CHD9: variants seen among roughly 807,000 people sequenced by gnomAD.
CHD9 encodes chromodomain helicase DNA binding protein 9, also known as ATP-dependent chromatin remodeler CHD9.
A neutral mutation model predicts 316.1 loss-of-function variants in CHD9; 77 were observed. That is an observed-to-expected ratio of 0.24 (90% CI 0.20 to 0.29). The LOEUF is 0.29. Among genes scored for constraint, CHD9 ranks in the 10% least tolerant of loss-of-function variants. The pLI, the probability that CHD9 is intolerant of heterozygous loss-of-function variation, is 1.00. For missense variants in CHD9, 2,763 were observed against 3,438.1 expected (o/e 0.80, Z 4.91); for synonymous variants, 1,129 against 1,158.3 (o/e 0.97, Z 0.51).
At chr16:53,070,671 C>T (rs1171200841) in intron 1 of CHD9, among the ~76,000 whole-genome samples, 1 of 152,058 alleles carries the variant, frequency 6.6e-6, no homozygotes, top group Non-Finnish European at 1.5e-5. Context: ...TCTCTTGCCT[C>T]AGCTTCCTGA....
intron 2 of CHD9, among the ~76,000 whole-genome samples, chr16:53,167,757 A>C (rs1224486442): frequency 6.6e-6 from 1 of 151,992 alleles, no homozygotes; most frequent in Non-Finnish European, 1.5e-5. Context: ...TGACAGTGCC[A>C]AGAAAGTGGA....
At position 53,285,628 on chromosome 16, in the gene CHD9, A is replaced by G. The variant is rs2053807770; in HGVS notation, c.5000A>G (p.His1667Arg). Residue 1667 changes from histidine (H) to arginine (R), a missense_variant, in exon 25 of 39, where the codon CAC becomes CGC. Coordinates refer to ENST00000447540, the MANE Select transcript of CHD9 (RefSeq NM_001308319.2). Reference protein sequence around the residue: ...DIDVWVPEPDHSEVPAEWWDF... With the variant: ...DIDVWVPEPDRSEVPAEWWDF... ...GATGTTTGGGTACCAGAACCAGACC[A>G]CTCAGAAGTTCCTGCTGAGTGGTGG... The G allele has an allele frequency of 6.2e-7, 1 of 1,607,622 alleles. No individual in the cohort carries two copies. The highest frequency in any genetic ancestry group is 1.1e-5 in the South Asian group (1 of 90,218).
At chr16:53,207,617 T>G (rs2045986966) in intron 2 of CHD9, among the ~76,000 whole-genome samples, 1 of 151,680 alleles carries the variant, frequency 6.6e-6, no homozygotes, top group African/African-American at 2.4e-5. Flanking sequence ...TGGGTTCATT[T>G]GCATGACCTC....
intron 1 of CHD9, among the ~76,000 whole-genome samples, chr16:53,095,897 C>G (rs2152562095): frequency 6.6e-6 from 1 of 152,186 alleles, no homozygotes. Context: ...GTGTTCTTTC[C>G]AACAATTTGG....
chr16:53,204,559 G>T (rs1385459299), intron 2 of CHD9, among the ~76,000 whole-genome samples: 2 of 151,966 alleles, frequency 1.3e-5, no homozygotes, highest in Non-Finnish European at 2.9e-5. Flanking sequence ...TTTTGTTTTT[G>T]TTTTGTTGTT....
intron 4 of CHD9, among the ~76,000 whole-genome samples, chr16:53,225,306 A>G (rs1338909849): frequency 6.7e-6 from 1 of 149,462 alleles, no homozygotes; most frequent in Non-Finnish European, 1.5e-5. Flanking sequence ...GACTAGAAAA[A>G]AGAAGAGATT....
At chr16:53,252,697 G>GA (rs74199598) in intron 17 of CHD9, among the ~76,000 whole-genome samples, 1,608 of 76,582 alleles carry the variant, frequency 0.021, 11 homozygotes, top group Non-Finnish European at 0.026. Flanking sequence ...ACTCAAATCA[G>GA]AAAAAAAAAA....
Position 53,209,583 on chromosome 16 carries a change from A to G in CHD9, c.1554A>G (p.Glu518=), listed in dbSNP as rs780864718. The change falls in exon 3 of 39, where the codon GAA becomes GAG. Residue 518 remains glutamate (E), a synonymous_variant. Coordinates refer to ENST00000447540, the MANE Select transcript of CHD9 (RefSeq NM_001308319.2). The stretch of plus-strand genomic sequence containing the variant: ...AGAAGAAGCAGAGAAAAAAGGTGGA[A>G]TCAGAAAGCAAGCAAGAAAAGGCTA... ...MSEKKQRKKV[E]SESKQEKANR... is the part of the protein sequence containing the mutation. 1.9e-6 allele frequency: 3 copies of G among 1,613,956 alleles called. No individual in the cohort carries two copies. Among genetic ancestry groups the G allele is most frequent in the South Asian group, 2.2e-5 (2 of 91,084 alleles).
chr16:53,144,655 A>T lies in CHD9; in HGVS notation c.-164-11271A>T, dbSNP rs184985512. 2.7e-4 allele frequency among the ~76,000 whole-genome samples: 41 copies of T among 151,772 alleles called. No individual in the cohort carries two copies. The East Asian group carries it at 8.0e-3, about 29-fold the overall frequency. On this transcript the variant is annotated intron_variant, in intron 1 of 38. Transcript: ENST00000447540. ...GCGATTCTCCCGCCTCAGCCTCCCG[A>T]GTAGCTGGGACTACAGGCGCCCACT...
In CHD9 at chr16:53,156,116, T is replaced by G. The variant is rs188735580; in HGVS notation, c.27T>G (p.Phe9Leu). 6.2e-7 allele frequency: 1 copy of G among 1,613,312 alleles called. No individual in the cohort carries two copies. The highest frequency in any genetic ancestry group is 8.5e-7 in the Non-Finnish European group (1 of 1,179,550). Residue 9 changes from phenylalanine (F) to leucine (L), a missense_variant, in exon 2 of 39, where the codon TTT becomes TTG. Phe to Leu is a conservative substitution (Grantham distance 22, BLOSUM62 0). Coordinates refer to ENST00000447540, the MANE Select transcript of CHD9 (RefSeq NM_001308319.2). ...TGACAGATCCAATGATGGACTTTTT[T>G]GATGATGCCAATCTTTTTGGTGAGA... MTDPMMDF[F>L]DDANLFGETL...
At chr16:53,322,000 C>CTT (rs61037497) in intron 38 of CHD9, among the ~76,000 whole-genome samples, 1 of 132,240 alleles carries the variant, frequency 7.6e-6, no homozygotes, top group African/African-American at 2.8e-5. Context: ...TTTTCTTTTT[C>CTT]TTTTTTTTTT....
chr16:53,196,397 T>C (rs1428564485), intron 2 of CHD9, among the ~76,000 whole-genome samples: 2 of 152,194 alleles, frequency 1.3e-5, no homozygotes, highest in East Asian at 3.8e-4. Flanking sequence ...TAATTATATT[T>C]GTAAAATCCT....
intron 1 of CHD9, among the ~76,000 whole-genome samples, chr16:53,150,868 G>C (rs914312772): frequency 4.6e-5 from 7 of 152,094 alleles, no homozygotes; most frequent in Non-Finnish European, 8.8e-5. Context: ...TTGTGTACTT[G>C]ATGAGTCTTT....
intron 22 of CHD9, among the ~76,000 whole-genome samples, chr16:53,271,008 G>A (rs575675663): frequency 8.3e-4 from 126 of 151,992 alleles, no homozygotes; most frequent in Non-Finnish European, 1.4e-3. Flanking sequence ...GAGTTGTAGA[G>A]CTACTAAATA....
chr16:53,267,103 A>G (rs1417970199), intron 20 of CHD9, among the ~76,000 whole-genome samples, 191 bp from the exon 21 acceptor site: 1 of 152,204 alleles, frequency 6.6e-6, no homozygotes, highest in African/African-American at 2.4e-5. Context: ...ATAAAATTTT[A>G]CATGTGTGGT....
chr16:53,319,883 T>C, intron 37 of CHD9: 1 of 1,150,236 alleles, frequency 8.7e-7, no homozygotes, highest in South Asian at 1.6e-5. Flanking sequence ...CAAGAGGGCC[T>C]CCATTTTCAA....
intron 12 of CHD9, among the ~76,000 whole-genome samples, chr16:53,240,226 C>T (rs946621324): frequency 1.3e-4 from 20 of 152,096 alleles, no homozygotes; most frequent in African/African-American, 3.6e-4. Context: ...ATTATTCTTA[C>T]TCGTACATTT....
intron 1 of CHD9, among the ~76,000 whole-genome samples, chr16:53,148,449 T>G (rs2040821885): frequency 6.6e-6 from 1 of 152,216 alleles, no homozygotes; most frequent in Non-Finnish European, 1.5e-5. Context: ...CCACAGTGGC[T>G]ATACCATTTT....
At chr16:53,120,204 C>G (rs900803577) in intron 1 of CHD9, among the ~76,000 whole-genome samples, 2 of 152,086 alleles carry the variant, frequency 1.3e-5, no homozygotes, top group African/African-American at 4.8e-5. Context: ...TGCTCTCTAA[C>G]CTGGGCAACA....
Sources: gnomAD v4.1 joint callset for allele counts (sites outside exome capture counted in the v4.1 genomes callset) on GRCh38, gnomAD v4.1.1 for gene constraint, MANE v1.5 for transcripts, NCBI Gene and HGNC (gene_info 2026-07-23, HGNC 2026-07-21) for gene names.